The following TRPM6 variants were observed in gnomAD, a reference collection of about 807,000 sequenced individuals.
TRPM6 encodes channel kinase 2.
A neutral mutation model predicts 247.6 loss-of-function variants in TRPM6; 111 were observed. That is an observed-to-expected ratio of 0.45 (90% CI 0.38 to 0.52). The LOEUF (loss-of-function observed/expected upper bound fraction) is 0.52. Among genes scored for constraint, TRPM6 ranks in the 20% least tolerant of loss-of-function variants. TRPM6 has a pLI of 0.00. For synonymous variants in TRPM6, 892 were observed against 853.8 expected (o/e 1.04, Z -0.78); for missense variants, 2,126 against 2,421.5 (o/e 0.88, Z 2.56).
At chr9:74,823,938 G>A (rs1445027069) in intron 7 of TRPM6, among the ~76,000 whole-genome samples, 1 of 152,062 alleles carries the variant, frequency 6.6e-6, no homozygotes, top group Non-Finnish European at 1.5e-5. Flanking sequence ...GCGTCTGCAT[G>A]TGTGTGTAGA....
rs766487596 is a variant in TRPM6 at position 74,762,006 on chromosome 9, C to T, written c.4665G>A (p.Lys1555=). 27 of 1,613,814 alleles carry T rather than the reference C, an allele frequency of 1.7e-5. No individual in the cohort carries two copies. The highest frequency in any genetic ancestry group is 3.3e-4 in the Middle Eastern group (2 of 6,084). ...HKEEKLMKIC[K]IKNLSGSSEI... is the part of the protein sequence containing the mutation. ...TAAATGTTTATTCCTTACTTTTAAT[C>T]TTACAGATCTTCATCAATTTCTCCT... The change falls in exon 26 of 39, where the codon AAG becomes AAA. Residue 1555 remains lysine, a synonymous_variant. Transcript: ENST00000360774.
intron 12 of TRPM6, among the ~76,000 whole-genome samples, chr9:74,811,693 G>A (rs1479199165): frequency 6.6e-6 from 1 of 152,178 alleles, no homozygotes; most frequent in Non-Finnish European, 1.5e-5. Context: ...TGGTTGAAGA[G>A]TCTATCTATA....
At chr9:74,797,978 T>C (rs1828160550) in intron 17 of TRPM6, among the ~76,000 whole-genome samples, 1 of 152,196 alleles carries the variant, frequency 6.6e-6, no homozygotes, top group African/African-American at 2.4e-5. Flanking sequence ...CCAAGGAGGG[T>C]ATAGATCCAG....
At chr9:74,838,794 G>A (rs945840016) in intron 5 of TRPM6, among the ~76,000 whole-genome samples, 3 of 151,982 alleles carry the variant, frequency 2.0e-5, no homozygotes, top group African/African-American at 7.2e-5. Flanking sequence ...TCAAAAGAGA[G>A]AAAAGTAAAG....
At chr9:74,818,573 G>A (rs1829032416) in intron 9 of TRPM6, among the ~76,000 whole-genome samples, 1 of 152,126 alleles carries the variant, frequency 6.6e-6, no homozygotes, top group Non-Finnish European at 1.5e-5. Context: ...AAAGTGCTGG[G>A]ATTATAGGCG....
At chr9:74,849,085 C>T (rs1397151178) in intron 3 of TRPM6, among the ~76,000 whole-genome samples, 1 of 152,194 alleles carries the variant, frequency 6.6e-6, no homozygotes, top group Non-Finnish European at 1.5e-5. Context: ...CACGGTGTCT[C>T]ACGCCTTTCA....
chr9:74,817,311 T>C (rs543183411), intron 9 of TRPM6, among the ~76,000 whole-genome samples: 1 of 152,338 alleles, frequency 6.6e-6, no homozygotes, highest in Non-Finnish European at 1.5e-5. Context: ...ATGAAATCCT[T>C]CATTCACCTA....
At chr9:74,758,804 A>C (rs139369829) in intron 27 of TRPM6, among the ~76,000 whole-genome samples, 20 of 152,274 alleles carry the variant, frequency 1.3e-4, no homozygotes, top group African/African-American at 4.8e-4. Flanking sequence ...AAGAAAAGGA[A>C]ATACAACATG....
intron 1 of TRPM6, among the ~76,000 whole-genome samples, chr9:74,880,396 T>C (rs1831324593): frequency 6.6e-6 from 1 of 152,134 alleles, no homozygotes; most frequent in South Asian, 2.1e-4. Flanking sequence ...CCAGAGCACA[T>C]TATAGTCAAA....
In TRPM6 at chr9:74,821,673, C is replaced by T; in HGVS notation, c.1006G>A (p.Glu336Lys). ...LAFTHKHLAD[E>K]GMLRPQVKEE... Reference sequence around the variant, plus strand: ...AAAGAAGAGCCAACAACTCACCCTTCATCTGCCAGGTGTTTGTGTGTGAAG... The same window carrying T: ...AAAGAAGAGCCAACAACTCACCCTTTATCTGCCAGGTGTTTGTGTGTGAAG... The change falls in exon 8 of 39, where the codon GAA becomes AAA. Residue 336 changes from glutamate (E) to lysine (K), a missense_variant. Transcript: ENST00000360774. The T allele has an allele frequency of 1.2e-6, 2 of 1,614,206 alleles. No individual in the cohort carries two copies. The highest frequency in any genetic ancestry group is 1.7e-6 in the Non-Finnish European group (2 of 1,180,036).
At chr9:74,774,346 G>A (rs1274150103) in intron 24 of TRPM6, among the ~76,000 whole-genome samples, 1 of 152,152 alleles carries the variant, frequency 6.6e-6, no homozygotes, top group Non-Finnish European at 1.5e-5. Context: ...CAATGGTTCT[G>A]CAGCCAAAGC....
At chr9:74,807,703 A>G (rs933274273) in intron 14 of TRPM6, among the ~76,000 whole-genome samples, 2 of 152,164 alleles carry the variant, frequency 1.3e-5, no homozygotes, top group African/African-American at 4.8e-5. Flanking sequence ...AGAAAAAAAG[A>G]AAAGAAAAAA....
intron 6 of TRPM6, 44 bp downstream of exon 6, chr9:74,833,953 CA>C: frequency 6.2e-7 from 1 of 1,611,188 alleles, no homozygotes; most frequent in Non-Finnish European, 8.5e-7. Context: ...TGGCAATTTG[CA>C]CACGTGTTCG....
rs182221138 is a variant in TRPM6, at chr9:74,790,709, C to A, written c.2538+1915G>T. Among the ~76,000 whole-genome samples, 30 of 152,258 alleles carry A rather than the reference C, an allele frequency of 2.0e-4. 2 individuals carry two copies. In the South Asian group the frequency reaches 2.7e-3, roughly 14 times the overall value. On this transcript the variant is annotated intron_variant, in intron 19 of 38. Transcript: ENST00000360774. ...ATTGAATGACCTGAATCTTAGGTTA[C>A]CCTCAGCCATAACTTTCTTTCTATA...
chr9:74,742,717 T>A, intron 32 of TRPM6, 91 bp from the exon 33 acceptor site: 1 of 1,104,884 alleles, frequency 9.1e-7, no homozygotes, highest in Non-Finnish European at 1.4e-6. Flanking sequence ...CATATAATGC[T>A]ATTTAATTTC....
intron 3 of TRPM6, among the ~76,000 whole-genome samples, chr9:74,844,846 C>A (rs74831683): frequency 0.097 from 14,731 of 152,172 alleles, 1,008 homozygotes; most frequent in Middle Eastern, 0.17. Flanking sequence ...TTAATTATTT[C>A]TAGCTTTTGA....
chr9:74,854,476 T>C (rs1360808435), intron 3 of TRPM6, among the ~76,000 whole-genome samples: 1 of 152,124 alleles, frequency 6.6e-6, no homozygotes, highest in East Asian at 1.9e-4. Context: ...GCAATTACGT[T>C]TGCACCAAGC....
At chr9:74,743,212 T>C (rs1354497446) in intron 32 of TRPM6, among the ~76,000 whole-genome samples, 1 of 152,182 alleles carries the variant, frequency 6.6e-6, no homozygotes, top group African/African-American at 2.4e-5. Flanking sequence ...GCTGAAAGAC[T>C]CAGTTGTAAG....
chr9:74,727,977 C>T (rs1230842853), intron 38 of TRPM6, among the ~76,000 whole-genome samples: 7 of 152,048 alleles, frequency 4.6e-5, no homozygotes, highest in East Asian at 3.9e-4. Flanking sequence ...CCATTTAAGT[C>T]GGTGGAACTT....
Sources: allele counts gnomAD v4.1 joint callset (sites outside exome capture counted in the v4.1 genomes callset), GRCh38; gene constraint gnomAD v4.1.1; transcripts MANE v1.5; gene names NCBI Gene and HGNC (gene_info 2026-07-23, HGNC 2026-07-21).